The following NFIC variants were observed in gnomAD, a reference collection of about 807,000 sequenced individuals.
NFIC encodes nuclear factor I C.
In NFIC, 12 loss-of-function variants were observed where a neutral mutation model predicts 54.4. The ratio of observed to expected loss-of-function variants is 0.22; its 90% confidence interval spans 0.14 to 0.36. The LOEUF is 0.36. Among genes scored for constraint, NFIC ranks in the 10% least tolerant of loss-of-function variants. The pLI is 1.00. For synonymous variants in NFIC, 322 were observed against 319.2 expected (o/e 1.01, Z -0.09); for missense variants, 575 against 718.2 (o/e 0.80, Z 2.28).
At chr19:3,404,196 G>A (rs1385898702) in intron 2 of NFIC, among the ~76,000 whole-genome samples, 1 of 139,702 alleles carries the variant, frequency 7.2e-6, no homozygotes, top group Non-Finnish European at 1.6e-5. Context: ...GGGTGGGGGT[G>A]TGGGGAGGCC....
In NFIC at chr19:3,395,841, G is replaced by A. The variant is rs184411190; in HGVS notation, c.562+13598G>A. On this transcript the variant is annotated intron_variant, in intron 2 of 10. Transcript: ENST00000443272. ...GATTACAGGCGCGTGCCACCACACC[G>A]GCTAATTTTTGTATTTTTAGTAGAG... 2.5e-3 allele frequency among the ~76,000 whole-genome samples: 377 copies of A among 151,994 alleles called. 2 individuals carry two copies. The highest frequency in any genetic ancestry group is 8.7e-3 in the African/African-American group (360 of 41,464).
rs2081026721 is a variant in NFIC at position 3,371,998 on chromosome 19, C to CTCTCT, written c.30+5332_30+5333insTCTCT. ...CTTTCTCTCTCTCTCCCTCTCTCTC[C>CTCTCT]CTCTCTCTCTCTCTCTCTCTCTCTC... On this transcript the variant is annotated intron_variant, in intron 1 of 10. Transcript: ENST00000443272. 2.5e-4 allele frequency among the ~76,000 whole-genome samples: 9 copies of CTCTCT among 35,414 alleles called. 1 individual carries two copies. The highest frequency in any genetic ancestry group is 4.3e-4 in the Admixed American group (1 of 2,334). 23.2% of individuals were successfully genotyped at this position (35,414 alleles called of 152,430 possible). A position where few individuals can be genotyped will look rare whatever the true frequency, so the allele number is the denominator to read the frequency against.
intron 7 of NFIC, among the ~76,000 whole-genome samples, chr19:3,450,173 G>A (rs1329057160): frequency 4.1e-5 from 6 of 147,026 alleles, no homozygotes; most frequent in Non-Finnish European, 6.0e-5. Flanking sequence ...GTGAAACCCC[G>A]TCTCTACTAA....
chr19:3,388,035 A>G (rs1448287844), intron 2 of NFIC, among the ~76,000 whole-genome samples: 4 of 152,058 alleles, frequency 2.6e-5, no homozygotes, highest in Non-Finnish European at 4.4e-5. Flanking sequence ...AGCAGCTGCC[A>G]GCCCGCCCCG....
chr19:3,392,877 G>A (rs1045778257), intron 2 of NFIC, among the ~76,000 whole-genome samples: 5 of 152,234 alleles, frequency 3.3e-5, no homozygotes, highest in Non-Finnish European at 7.3e-5. Context: ...AGAGGGGCGA[G>A]GCATTGCCCC....
intron 6 of NFIC, among the ~76,000 whole-genome samples, chr19:3,439,562 A>C (rs1437311247): frequency 6.6e-6 from 1 of 150,502 alleles, no homozygotes; most frequent in East Asian, 2.0e-4. Context: ...GAATCACTTG[A>C]ACCTGGGAGG....
chr19:3,404,606 A>C (rs1555747295), intron 2 of NFIC, among the ~76,000 whole-genome samples: 3 of 151,616 alleles, frequency 2.0e-5, no homozygotes, highest in Non-Finnish European at 4.4e-5. Context: ...CCCCCACCCC[A>C]CCCAGGAGGG....
intron 2 of NFIC, among the ~76,000 whole-genome samples, chr19:3,423,559 C>T (rs890109535): frequency 1.3e-5 from 2 of 152,128 alleles, no homozygotes; most frequent in African/African-American, 4.8e-5. Context: ...TGGGCTTGTC[C>T]ACCTGCCCCC....
At chr19:3,397,817 C>T (rs1473472142) in intron 2 of NFIC, among the ~76,000 whole-genome samples, 2 of 152,232 alleles carry the variant, frequency 1.3e-5, no homozygotes, top group South Asian at 4.1e-4. Flanking sequence ...TGCGTCCACT[C>T]CCAAATCCCA....
In NFIC at chr19:3,464,654, C is replaced by G. The variant is rs1216519077; in HGVS notation, c.*1885C>G. On this transcript the variant is annotated 3_prime_UTR_variant, in exon 11 of 11. Coordinates refer to ENST00000443272, the MANE Select transcript of NFIC (RefSeq NM_001245002.2). ...TCTCACCTGCTCCTAGCCTCACCCC[C>G]CTGCCCCCGAAAACCAGACTCTCCT... The G allele has an allele frequency of 4.1e-6, 4 of 984,820 alleles. No homozygotes were observed. The highest frequency in any genetic ancestry group is 1.8e-5 in the African/African-American group (1 of 57,004). 61.0% of individuals were successfully genotyped at this position (984,820 alleles called of 1,614,324 possible).
chr19:3,416,229 C>G (rs1253636437), intron 2 of NFIC, among the ~76,000 whole-genome samples: 1 of 149,944 alleles, frequency 6.7e-6, no homozygotes, highest in Non-Finnish European at 1.5e-5. Context: ...CATTTTTTCC[C>G]TAATCACTCT....
intron 6 of NFIC, among the ~76,000 whole-genome samples, chr19:3,438,895 C>G (rs1292206286): frequency 1.3e-5 from 2 of 151,910 alleles, no homozygotes; most frequent in Admixed American, 6.6e-5. Context: ...TGACTACAGC[C>G]CAGAGGAGGA....
At chr19:3,385,182 A>T (rs1254824177) in intron 2 of NFIC, among the ~76,000 whole-genome samples, 1 of 124,578 alleles carries the variant, frequency 8.0e-6, no homozygotes, top group Non-Finnish European at 1.7e-5. Flanking sequence ...CCCTCCCCCA[A>T]TTGGCCCCAG....
At chr19:3,373,663 G>A (rs1331517503) in intron 1 of NFIC, among the ~76,000 whole-genome samples, 3 of 124,980 alleles carry the variant, frequency 2.4e-5, no homozygotes, top group Non-Finnish European at 4.7e-5. Flanking sequence ...GAGATTCTCT[G>A]GTCCCTCAAA....
chr19:3,359,766 C>A, intron 1 of NFIC: 1 of 1,323,528 alleles, frequency 7.6e-7, no homozygotes, highest in Non-Finnish European at 9.8e-7. Flanking sequence ...GTTGCAAGAT[C>A]TGGGGGGACA....
chr19:3,454,767 C>T (rs2082526306), intron 9 of NFIC, among the ~76,000 whole-genome samples: 1 of 151,532 alleles, frequency 6.6e-6, no homozygotes, highest in Non-Finnish European at 1.5e-5. Flanking sequence ...AAATGAGACC[C>T]CCCACCCCAC....
At chr19:3,419,727 A>T (rs1198353638) in intron 2 of NFIC, among the ~76,000 whole-genome samples, 1 of 151,418 alleles carries the variant, frequency 6.6e-6, no homozygotes, top group Admixed American at 6.6e-5. Flanking sequence ...TGAACCCGGG[A>T]GGCAGAGGCT....
At position 3,465,808 on chromosome 19, in the gene NFIC, T is replaced by C. The variant is rs2082710946; in HGVS notation, c.*3039T>C. 6.6e-6 allele frequency: 1 copy of C among 152,270 alleles called. No homozygotes were observed. The highest frequency in any genetic ancestry group is 2.4e-5 in the African/African-American group (1 of 41,434). 9.4% of individuals were successfully genotyped at this position (152,270 alleles called of 1,614,324 possible). On this transcript the variant is annotated 3_prime_UTR_variant, in exon 11 of 11. Transcript: ENST00000443272. ...CGCAGCCAGACTCCCCGCTCCCCAC[T>C]TTTCATGCAGGCTGGCATACCCCTG... is the stretch of plus-strand genomic sequence containing the variant.
intron 10 of NFIC, among the ~76,000 whole-genome samples, chr19:3,462,467 G>A (rs1333114636): frequency 6.6e-6 from 1 of 152,196 alleles, no homozygotes; most frequent in Non-Finnish European, 1.5e-5. Context: ...TATCCCCAAT[G>A]TTGCGTGGGC....
Sources: allele counts gnomAD v4.1 joint callset (sites outside exome capture counted in the v4.1 genomes callset), GRCh38; gene constraint gnomAD v4.1.1; transcripts MANE v1.5; gene names NCBI Gene and HGNC (gene_info 2026-07-23, HGNC 2026-07-21).